AK9: variants seen among roughly 807,000 people sequenced by gnomAD.
AK9 encodes adenylate kinase 9, also known as adenylate kinase domain containing 1.
AK9 carries 191 observed loss-of-function variants against 239.6 expected under a neutral mutation model. That is an observed-to-expected ratio of 0.80 (90% CI 0.71 to 0.90). The LOEUF (loss-of-function observed/expected upper bound fraction) is 0.90, where lower values mean the gene tolerates loss of function less well. Ranked by LOEUF, AK9 falls within the 40% of genes least tolerant of loss-of-function variation. The pLI, the probability that AK9 is intolerant of heterozygous loss-of-function variation, is 0.00. For missense variants in AK9, 1,995 were observed against 2,214.7 expected, an observed-to-expected ratio of 0.90 and a Z score of 1.99; for synonymous variants, 689 against 721.0, an observed-to-expected ratio of 0.96 and a Z score of 0.71.
chr6:109,498,176 T>G (rs1777260772), intron 36 of AK9, among the ~76,000 whole-genome samples: 1 of 152,202 alleles, frequency 6.6e-6, no homozygotes. Flanking sequence ...TCTCAGTCAC[T>G]CATTCATTCA....
At chr6:109,503,528 G>A (rs545540853) in intron 35 of AK9, among the ~76,000 whole-genome samples, 2 of 152,154 alleles carry the variant, frequency 1.3e-5, no homozygotes, top group Non-Finnish European at 2.9e-5. Context: ...CCTGGTAGGA[G>A]AGGATCATTT....
At chr6:109,573,357 A>G (rs1787668853) in intron 21 of AK9, 85 bp downstream of exon 21, 3 of 1,332,598 alleles carry the variant, frequency 2.3e-6, no homozygotes, top group Non-Finnish European at 3.0e-6. Flanking sequence ...CTTCCATTTT[A>G]CCAACAGGTA....
chr6:109,521,072 A>T (rs1779812046), intron 29 of AK9, among the ~76,000 whole-genome samples: 1 of 152,002 alleles, frequency 6.6e-6, no homozygotes, highest in Non-Finnish European at 1.5e-5. Context: ...TTCTTTTCTT[A>T]TTTGGATGCG....
At chr6:109,559,474 T>G (rs1785467141) in intron 24 of AK9, among the ~76,000 whole-genome samples, 1 of 152,226 alleles carries the variant, frequency 6.6e-6, no homozygotes, top group African/African-American at 2.4e-5. Context: ...GCCTGGTATA[T>G]CTATCTGTCC....
Position 109,564,263 on chromosome 6 carries a change from G to C in AK9, c.2452C>G (p.Pro818Ala), listed in dbSNP as rs375094114. The change falls in exon 23 of 41, where the codon CCA (proline) becomes GCA (alanine). Residue 818 changes from proline to alanine, a missense_variant. Coordinates refer to ENST00000424296, the MANE Select transcript of AK9 (RefSeq NM_001145128.3). The stretch of plus-strand genomic sequence containing the variant: ...GGAACATCAGGATAAGAGTCTTCTG[G>C]AAACTCAGGTAGTACAACTTTGGAG... ...LSETVVLPEF[P>A]EDSYPDVPEM... 5.3e-5 allele frequency: 82 copies of C among 1,549,584 alleles called. No individual in the cohort carries two copies. Among genetic ancestry groups the C allele is most frequent in the Non-Finnish European group, 6.8e-5 (78 of 1,146,376 alleles).
At chr6:109,500,034 T>TACACACACACACACACAC (rs36086518) in intron 35 of AK9, among the ~76,000 whole-genome samples, 32 of 141,460 alleles carry the variant, frequency 2.3e-4, no homozygotes, top group East Asian at 1.7e-3. Context: ...ATATATATGA[T>TACACACACACACACACAC]ACACACACAC....
At position 109,672,102 on chromosome 6, in the gene AK9, T is replaced by C. The variant is rs1297193714; in HGVS notation, c.234+13A>G. 5 of 1,613,268 alleles carry C rather than the reference T, an allele frequency of 3.1e-6. No individual in the cohort carries two copies. Among genetic ancestry groups the C allele is most frequent in the Non-Finnish European group, 4.2e-6 (5 of 1,179,676 alleles). ...TTGTAATCATAGTTACTTTGAAATT[T>C]AGGTTTGTTTACCATAACTCCTGAT... On this transcript the variant is annotated intron_variant, in intron 4 of 40. Transcript: ENST00000424296.
chr6:109,638,373 C>A (rs748810210), intron 10 of AK9, among the ~76,000 whole-genome samples: 1 of 152,104 alleles, frequency 6.6e-6, no homozygotes, highest in Non-Finnish European at 1.5e-5. Flanking sequence ...TTATGTTGAC[C>A]CACTGAGATC....
chr6:109,590,866 C>A (rs1345221746), intron 17 of AK9, among the ~76,000 whole-genome samples: 1 of 152,072 alleles, frequency 6.6e-6, no homozygotes, highest in African/African-American at 2.4e-5. Context: ...TAGTTTTATT[C>A]CACTTTGGTC....
At chr6:109,673,649 A>T (rs1290149329) in intron 3 of AK9, among the ~76,000 whole-genome samples, 1 of 152,124 alleles carries the variant, frequency 6.6e-6, no homozygotes, top group Non-Finnish European at 1.5e-5. Flanking sequence ...GTTCCTAAGA[A>T]AAGCTGTGAG....
At chr6:109,601,150 T>A (rs139054480) in intron 17 of AK9, among the ~76,000 whole-genome samples, 485 of 152,344 alleles carry the variant, frequency 3.2e-3, no homozygotes, top group African/African-American at 0.011. Context: ...GTTTCTCTAG[T>A]TCTTTTAAAT....
rs150584003 is a variant in AK9 at position 109,529,039 on chromosome 6, A to G, written c.3605T>C (p.Ile1202Thr). The change falls in exon 29 of 41, where the codon ATA becomes ACA. Residue 1202 changes from isoleucine to threonine, a missense_variant. Transcript: ENST00000424296. ...DTIAKRRAEL[I>T]LERDKKRREN... ...CCTCCTTTTTTTATCTCTCTCTAATATAAGTTCAGCCCTTCTTTTAGCAAT... is the reference window on the plus strand; with the variant it reads ...CCTCCTTTTTTTATCTCTCTCTAATGTAAGTTCAGCCCTTCTTTTAGCAAT... 7.3e-5 allele frequency: 116 copies of G among 1,596,712 alleles called. 1 individual carries two copies. In the South Asian group the frequency reaches 9.4e-4, roughly 13 times the overall value.
At chr6:109,516,709 T>G (rs1206003070) in intron 29 of AK9, 67 bp from the exon 30 acceptor site, 1 of 1,329,868 alleles carries the variant, frequency 7.5e-7, no homozygotes, top group African/African-American at 1.5e-5. Context: ...TATTAACAAA[T>G]CATCTGGAAT....
chr6:109,588,958 A>G (rs1018380053), intron 17 of AK9, among the ~76,000 whole-genome samples: 1 of 152,174 alleles, frequency 6.6e-6, no homozygotes, highest in Non-Finnish European at 1.5e-5. Context: ...TACCAGTACC[A>G]TGCTGTTTTG....
At chr6:109,557,381 T>G (rs1277908786) in intron 24 of AK9, among the ~76,000 whole-genome samples, 1 of 152,020 alleles carries the variant, frequency 6.6e-6, no homozygotes, top group Non-Finnish European at 1.5e-5. Context: ...TTCTGGGACT[T>G]TTGACCTTGA....
chr6:109,640,207 C>T (rs565054295), intron 10 of AK9, among the ~76,000 whole-genome samples: 9 of 152,302 alleles, frequency 5.9e-5, no homozygotes, highest in Admixed American at 2.6e-4. Flanking sequence ...TAGCAGTGAG[C>T]AAGGCTCCAT....
intron 38 of AK9, among the ~76,000 whole-genome samples, chr6:109,495,895 G>A (rs980913201): frequency 6.6e-6 from 1 of 151,586 alleles, no homozygotes; most frequent in African/African-American, 2.4e-5. Context: ...TACAGCACCT[G>A]CTTGCTCCCT....
Position 109,668,435 on chromosome 6 carries a change from C to T in AK9, c.331+3484G>A, listed in dbSNP as rs1300407472. Among the ~76,000 whole-genome samples the T allele has an allele frequency of 7.9e-5, 12 of 151,800 alleles. No homozygotes were observed. In the South Asian group the frequency reaches 2.1e-3, roughly 26 times the overall value. ...CATTTGTCAATTTTGACTTTTGTTG[C>T]CATTGCTTTTGGTATTTTAGACATG... On this transcript the variant is annotated intron_variant, in intron 5 of 40. Coordinates refer to ENST00000424296, the MANE Select transcript of AK9 (RefSeq NM_001145128.3).
At chr6:109,591,469 C>T (rs1790238971) in intron 17 of AK9, among the ~76,000 whole-genome samples, 2 of 151,796 alleles carry the variant, frequency 1.3e-5, no homozygotes, top group Non-Finnish European at 2.9e-5. Flanking sequence ...TAAAAAAATC[C>T]ATTCCATCAG....
Sources: allele counts gnomAD v4.1 joint callset (sites outside exome capture counted in the v4.1 genomes callset), GRCh38; gene constraint gnomAD v4.1.1; transcripts MANE v1.5; gene names NCBI Gene and HGNC (gene_info 2026-07-23, HGNC 2026-07-21).